COL7A1: variants seen among roughly 807,000 people sequenced by gnomAD.
COL7A1 encodes the protein collagen alpha-1(VII) chain.
A neutral mutation model predicts 456.2 loss-of-function variants in COL7A1; 296 were observed. The observed-to-expected ratio is 0.65, with a 90% confidence interval of 0.59 to 0.71. The LOEUF is 0.71. COL7A1 is among the 30% of genes least tolerant of loss of function. The pLI is 0.00. For missense variants in COL7A1, 3,441 were observed against 4,017.2 expected (o/e 0.86, Z 3.88); for synonymous variants, 1,464 against 1,525.9 (o/e 0.96, Z 0.95).
chr3:48,574,369 C>G lies in COL7A1; in HGVS notation c.6457-63G>C. The G allele has an allele frequency of 6.2e-7, 1 of 1,613,550 alleles. No individual in the cohort carries two copies. The highest frequency in any genetic ancestry group is 8.5e-7 in the Non-Finnish European group (1 of 1,179,486). ...CCAACTTCCCCTCCACCCACCATCCCCCTAGACAGAGTCAGGACCCAGACA... is the reference window on the plus strand; with the variant it reads ...CCAACTTCCCCTCCACCCACCATCCGCCTAGACAGAGTCAGGACCCAGACA... On this transcript the variant is annotated intron_variant, in intron 79 of 118. Coordinates refer to ENST00000681320, the MANE Select transcript of COL7A1 (RefSeq NM_000094.4). This position sits in a 1 kb window ranked among gnomAD's most constrained non-coding sequence, Gnocchi z 5.0.
rs1472838372 is a variant in COL7A1 at position 48,570,535 on chromosome 3, C to T, written c.7345-35G>A. On this transcript the variant is annotated intron_variant, in intron 96 of 118. Transcript: ENST00000681320. The surrounding 1 kb of genome is among the most constrained non-coding windows in gnomAD (Gnocchi z 5.5). ...AGAGTGAGGTGAGGGTCCTGTGGCT[C>T]TCAAAGCGCCTCCCCCAACACCCCA... 4.3e-6 allele frequency: 7 copies of T among 1,614,036 alleles called. No individual in the cohort carries two copies.
rs143221297 is a variant in COL7A1 at position 48,573,535 on chromosome 3, G to A, written c.6596C>T (p.Pro2199Leu). The A allele has an allele frequency of 1.1e-4, 177 of 1,614,090 alleles. 1 individual carries two copies. In the African/African-American group the frequency reaches 2.2e-3, roughly 20 times the overall value. The change falls in exon 83 of 119, where the codon CCC (proline) becomes CTC (leucine). Residue 2199 changes from proline to leucine, a missense_variant. Pro to Leu is a moderately conservative substitution (Grantham distance 98). This residue lies in a region of COL7A1 where 2,084 missense variants were observed against 2,501.3 expected (regional missense o/e 0.83). Coordinates refer to ENST00000681320, the MANE Select transcript of COL7A1 (RefSeq NM_000094.4). This position sits in a 1 kb window ranked among gnomAD's most constrained non-coding sequence, Gnocchi z 5.5. ...GAPGLAGPAG[P>L]QGPSGLKGEP... is the part of the protein sequence containing the mutation. ...CACCTTCAGGCCAGAAGGTCCTTGG[G>A]GTCCTGCAGGGCCAGCAAGACCCTA...
In COL7A1 at chr3:48,588,670, G is replaced by C; in HGVS notation, c.2559C>G (p.Gly853=). Residue 853 remains glycine (G), a synonymous_variant, in exon 20 of 119, where the codon GGC becomes GGG. Coordinates refer to ENST00000681320, the MANE Select transcript of COL7A1 (RefSeq NM_000094.4). This position sits in a 1 kb window ranked among gnomAD's most constrained non-coding sequence, Gnocchi z 4.6. Reference sequence around the variant, plus strand: ...TAGTGACAACAATGGAGACAGGTGTGCCCTCGCGGTCCCCGACAAGTGCAG... The same window carrying C: ...TAGTGACAACAATGGAGACAGGTGTCCCCTCGCGGTCCCCGACAAGTGCAG... ...RVTALVGDRE[G]TPVSIVVTTP... is the part of the protein sequence containing the mutation. The C allele has an allele frequency of 5.0e-6, 8 of 1,613,832 alleles. No individual in the cohort carries two copies. Among genetic ancestry groups the C allele is most frequent in the Non-Finnish European group, 5.9e-6 (7 of 1,180,042 alleles).
rs952376468 is a variant in COL7A1 at position 48,564,552 on chromosome 3, C to T, written c.8819-130G>A. The T allele has an allele frequency of 1.8e-5, 21 of 1,184,652 alleles. No individual in the cohort carries two copies. Among genetic ancestry groups the T allele is most frequent in the Non-Finnish European group, 2.6e-5 (21 of 813,386 alleles). The allele number at this position is 1,184,652 out of a possible 1,614,324, so 73.4% of individuals were successfully genotyped here. A position where few individuals can be genotyped will look rare whatever the true frequency, so the allele number is the denominator to read the frequency against. On this transcript the variant is annotated intron_variant, in intron 118 of 118. Transcript: ENST00000681320. The surrounding 1 kb of genome is among the most constrained non-coding windows in gnomAD (Gnocchi z 6.0). ...TGGGGGCTCTGACCTCAGAGGGGTC[C>T]ATACTTAGGTCTTTAAAGGAGGGAA...
Position 48,581,091 on chromosome 3 carries a change from G to T in COL7A1, c.4935+31C>A. ...CTGGGATCCTAGTTCAAGGGTAAAG[G>T]ATCAGAAACCACAGTGGGAAGGAGT... On this transcript the variant is annotated intron_variant, in intron 53 of 118. Transcript: ENST00000681320. This position sits in a 1 kb window ranked among gnomAD's most constrained non-coding sequence, Gnocchi z 5.8. The T allele has an allele frequency of 1.2e-6, 2 of 1,613,540 alleles. No homozygotes were observed. The highest frequency in any genetic ancestry group is 1.7e-6 in the Non-Finnish European group (2 of 1,179,676).
Position 48,592,979 on chromosome 3 carries a change from G to C in COL7A1, c.683-41C>G. 2 of 1,612,846 alleles carry C rather than the reference G, an allele frequency of 1.2e-6. No individual in the cohort carries two copies. The highest frequency in any genetic ancestry group is 1.7e-6 in the Non-Finnish European group (2 of 1,179,792). ...CAGGGGATCAGGCAGGAGGATTGGG[G>C]TGGGCATGTATGATGCAGAGTTGGG... On this transcript the variant is annotated intron_variant, in intron 6 of 118. Transcript: ENST00000681320. This position sits in a 1 kb window ranked among gnomAD's most constrained non-coding sequence, Gnocchi z 7.6.
In COL7A1 at chr3:48,589,403, A is replaced by G. The variant is rs1276375218; in HGVS notation, c.2238T>C (p.Asp746=). 1.2e-6 allele frequency: 2 copies of G among 1,613,710 alleles called. No individual in the cohort carries two copies. Among genetic ancestry groups the G allele is most frequent in the Non-Finnish European group, 1.7e-6 (2 of 1,180,012 alleles). Residue 746 remains aspartate (D), a synonymous_variant, in exon 18 of 119, where the codon GAT becomes GAC. Transcript: ENST00000681320. ...CCCTCACATGCACCGTATACTCAGT[A>G]TCTGGCTCCAGTCCATCCAGCTCAG... The part of the protein sequence containing the change: ...TVAELDGLEP[D]TEYTVHVRAH...
chr3:48,584,677 G>A (rs370698911), intron 35 of COL7A1, 57 bp downstream of exon 35: 1 of 1,613,302 alleles, frequency 6.2e-7, no homozygotes, highest in Non-Finnish European at 8.5e-7. Flanking sequence ...GTCTGGTGTG[G>A]GGCAGTCCTG....
intron 2 of COL7A1, 59 bp downstream of exon 2, chr3:48,595,016 T>G: frequency 7.3e-7 from 1 of 1,378,088 alleles, no homozygotes; most frequent in African/African-American, 1.4e-5. Flanking sequence ...GAAGGCCGAG[T>G]GGAGCGGAGG....
rs2045781460 is a variant in COL7A1, at chr3:48,592,565, C to T, written c.976+5G>A. 2 of 1,613,894 alleles carry T rather than the reference C, an allele frequency of 1.2e-6. No homozygotes were observed. The highest frequency in any genetic ancestry group is 1.7e-6 in the Non-Finnish European group (2 of 1,180,036). Reference sequence around the variant, plus strand: ...ATGGGGTCAGAGGCTGGCAGAATTGCTCACTGGTCCGAGCTGTCCCGCTCA... The same window carrying T: ...ATGGGGTCAGAGGCTGGCAGAATTGTTCACTGGTCCGAGCTGTCCCGCTCA... On this transcript the variant is annotated splice_donor_5th_base_variant and intron_variant, in intron 8 of 118. Transcript: ENST00000681320. This position sits in a 1 kb window ranked among gnomAD's most constrained non-coding sequence, Gnocchi z 7.6.
At position 48,581,938 on chromosome 3, in the gene COL7A1, A is replaced by G; in HGVS notation, c.4641T>C (p.Pro1547=). 6.2e-7 allele frequency: 1 copy of G among 1,614,024 alleles called. No homozygotes were observed. The highest frequency in any genetic ancestry group is 2.2e-5 in the East Asian group (1 of 44,870). ...TTTCTCCTTTGGGTCCAGCAACAGC[A>G]GGTCCCTGAAAACAAACAGGACAGA... The part of the protein sequence containing the change: ...GRPGDPAVVG[P]AVAGPKGEKG... Residue 1547 remains proline, a synonymous_variant, in exon 48 of 119, where the codon CCT becomes CCC. Coordinates refer to ENST00000681320, the MANE Select transcript of COL7A1 (RefSeq NM_000094.4). This position sits in a 1 kb window ranked among gnomAD's most constrained non-coding sequence, Gnocchi z 5.8.
Position 48,587,779 on chromosome 3 carries a change from TGA to T in COL7A1, c.2857+12_2857+13del, listed in dbSNP as rs1301831415. ...TCAGCAGGGGAGGAGCACGCCAAGGTGAGGCAGGCTTACCAGTGCGCGCAGTC... is the reference window on the plus strand; with the variant it reads ...TCAGCAGGGGAGGAGCACGCCAAGGTGGCAGGCTTACCAGTGCGCGCAGTC... On this transcript the variant is annotated intron_variant, in intron 22 of 118. Transcript: ENST00000681320. This position sits in a 1 kb window ranked among gnomAD's most constrained non-coding sequence, Gnocchi z 6.1. 6.2e-7 allele frequency: 1 copy of T among 1,613,194 alleles called. No homozygotes were observed.
In COL7A1 at chr3:48,564,925, C is replaced by A. The variant is rs755464659; in HGVS notation, c.8676G>T (p.Trp2892Cys). Residue 2892 changes from tryptophan (W) to cysteine (C), a missense_variant, in exon 118 of 119, where the codon TGG (tryptophan) becomes TGT (cysteine). Physicochemically the swap from Trp to Cys is radical, Grantham distance 215 (BLOSUM62 -2). This residue lies in a region of COL7A1 where 2,084 missense variants were observed against 2,501.3 expected (regional missense o/e 0.83). Coordinates refer to ENST00000681320, the MANE Select transcript of COL7A1 (RefSeq NM_000094.4). This position sits in a 1 kb window ranked among gnomAD's most constrained non-coding sequence, Gnocchi z 6.0. ...TGCTGCCTGTCACAGCCCGATGGTA[C>A]CAGCGCAGGGTGTAGGCAGTGCAGG... ...EGSCTAYTLR[W>C]YHRAVTGSTE... 7.4e-6 allele frequency: 12 copies of A among 1,614,072 alleles called. No homozygotes were observed. The Admixed American group carries it at 1.5e-4, about 20-fold the overall frequency.
rs373718618 is a variant in COL7A1, at chr3:48,587,921, C to G, written c.2729G>C (p.Arg910Pro). The G allele has an allele frequency of 1.6e-5, 25 of 1,598,432 alleles. No homozygotes were observed. Among genetic ancestry groups the G allele is most frequent in the Non-Finnish European group, 2.1e-5 (25 of 1,173,136 alleles). Residue 910 changes from arginine to proline, a missense_variant, in exon 22 of 119, where the codon CGG becomes CCG. Arg to Pro is a moderately radical substitution (Grantham distance 103). Around this residue, in one of 3 missense-constraint regions of COL7A1, gnomAD observed 444 missense variants for 427.6 expected, o/e 1.04. Transcript: ENST00000681320. This position sits in a 1 kb window ranked among gnomAD's most constrained non-coding sequence, Gnocchi z 6.1. ...WQPEGGQEQS[R>P]VLGPELSSYH... ...GCTGCTGAGCTCGGGCCCCAGGACC[C>G]GGGACTGTTCCTGGCCACCTGGGGC...
Position 48,592,576 on chromosome 3 carries a change from G to A in COL7A1, c.970C>T (p.Arg324Trp), listed in dbSNP as rs746639223. ...SIGEAVSGTA[R>W]TTALEGPELT... ...GGCTGGCAGAATTGCTCACTGGTCC[G>A]AGCTGTCCCGCTCACAGCCTCCCCG... Residue 324 changes from arginine (R) to tryptophan (W), a missense_variant, in exon 8 of 119, where the codon CGG (arginine) becomes TGG (tryptophan). Arg to Trp is a moderately radical substitution (Grantham distance 101). This residue lies in a region of COL7A1 where 913 missense variants were observed against 1,088.2 expected (regional missense o/e 0.84). Transcript: ENST00000681320. This position sits in a 1 kb window ranked among gnomAD's most constrained non-coding sequence, Gnocchi z 7.6. 15 of 1,613,852 alleles carry A rather than the reference G, an allele frequency of 9.3e-6. No homozygotes were observed. Among genetic ancestry groups the A allele is most frequent in the East Asian group, 2.2e-5 (1 of 44,890 alleles).
In COL7A1 at chr3:48,584,516, A is replaced by G. The variant is rs142651984; in HGVS notation, c.4088T>C (p.Leu1363Pro). 37 of 1,613,924 alleles carry G rather than the reference A, an allele frequency of 2.3e-5. No individual in the cohort carries two copies. Among genetic ancestry groups the G allele is most frequent in the Non-Finnish European group, 2.6e-5 (31 of 1,179,996 alleles). The stretch of plus-strand genomic sequence containing the variant: ...TCCAGGGTCCCCTTTCCGCCCAGGA[A>G]GCCCAGGTCCTTCACCTCCGATGAC... Reference protein sequence around the residue: ...GQVIGGEGPGLPGRKGDPGPS... With the variant: ...GQVIGGEGPGPPGRKGDPGPS... Residue 1363 changes from leucine to proline, a missense_variant, in exon 36 of 119, where the codon CTT becomes CCT. By Grantham distance (98) the Leu-to-Pro change is moderately conservative. This residue lies in a region of COL7A1 where 2,084 missense variants were observed against 2,501.3 expected (regional missense o/e 0.83). Coordinates refer to ENST00000681320, the MANE Select transcript of COL7A1 (RefSeq NM_000094.4).
Position 48,566,424 on chromosome 3 carries a change from G to T in COL7A1, c.8358+86C>A. On this transcript the variant is annotated intron_variant, in intron 113 of 118. Coordinates refer to ENST00000681320, the MANE Select transcript of COL7A1 (RefSeq NM_000094.4). The surrounding 1 kb of genome is among the most constrained non-coding windows in gnomAD (Gnocchi z 5.9). ...AGACTGCATGGAGCCAGGGCCCAGG[G>T]GTCAGGGTGCTGGGTGAGGGAGGTA... 6.2e-7 allele frequency: 1 copy of T among 1,607,628 alleles called. No individual in the cohort carries two copies. The highest frequency in any genetic ancestry group is 8.5e-7 in the Non-Finnish European group (1 of 1,174,958).
rs1379540901 is a variant in COL7A1, at chr3:48,583,183, G to C, written c.4438-12C>G. 2 of 1,613,738 alleles carry C rather than the reference G, an allele frequency of 1.2e-6. No homozygotes were observed. Among genetic ancestry groups the C allele is most frequent in the Middle Eastern group, 3.3e-4 (2 of 6,062 alleles). Reference sequence around the variant, plus strand: ...AAGCCCCGGTCACCCTGAAGAGAGAGGGTGAGAGAAAGACAGAGAGAGAGA... The same window carrying C: ...AAGCCCCGGTCACCCTGAAGAGAGACGGTGAGAGAAAGACAGAGAGAGAGA... On this transcript the variant is annotated splice_polypyrimidine_tract_variant and intron_variant, in intron 42 of 118. Transcript: ENST00000681320. The surrounding 1 kb of genome is among the most constrained non-coding windows in gnomAD (Gnocchi z 5.1).
At position 48,571,733 on chromosome 3, in the gene COL7A1, G is replaced by C; in HGVS notation, c.7068+268C>G. 3 of 638,502 alleles carry C rather than the reference G, an allele frequency of 4.7e-6. No individual in the cohort carries two copies. The highest frequency in any genetic ancestry group is 8.7e-6 in the Non-Finnish European group (3 of 346,444). 39.6% of individuals were successfully genotyped at this position (638,502 alleles called of 1,614,324 possible). A position where few individuals can be genotyped will look rare whatever the true frequency, so the allele number is the denominator to read the frequency against. On this transcript the variant is annotated intron_variant, in intron 92 of 118. Coordinates refer to ENST00000681320, the MANE Select transcript of COL7A1 (RefSeq NM_000094.4). The surrounding 1 kb of genome is among the most constrained non-coding windows in gnomAD (Gnocchi z 4.6). ...AACTCAGGTGTGTCCTGGGATCTGG[G>C]AGATCAGACCAGAGCACACGTGTGC...
Sources: allele counts gnomAD v4.1 joint callset, GRCh38; gene constraint gnomAD v4.1.1; regional missense constraint gnomAD v4.1.1; non-coding constraint Gnocchi (gnomAD v3.1); transcripts MANE v1.5; gene names NCBI Gene and HGNC (gene_info 2026-07-23, HGNC 2026-07-21).